The following EHMT1 variants were observed in gnomAD, a reference collection of about 807,000 sequenced individuals.
EHMT1 encodes histone-lysine N-methyltransferase EHMT1.
EHMT1 carries 15 observed loss-of-function variants against 147.2 expected under a neutral mutation model. The observed-to-expected ratio is 0.10, with a 90% CI of 0.07 to 0.16. The LOEUF is 0.16. Among genes scored for constraint, EHMT1 ranks in the 10% least tolerant of loss-of-function variants. The pLI, the probability that EHMT1 is intolerant of heterozygous loss-of-function variation, is 1.00. For synonymous variants in EHMT1, 795 were observed against 709.6 expected, an observed-to-expected ratio of 1.12 and a Z score of -1.91; for missense variants, 1,587 against 1,772.4, an observed-to-expected ratio of 0.90 and a Z score of 1.88.
chr9:137,658,393 C>T (rs1331218346), intron 1 of EHMT1, among the ~76,000 whole-genome samples: 1 of 152,060 alleles, frequency 6.6e-6, no homozygotes, highest in African/African-American at 2.4e-5. Flanking sequence ...TCAAGTGGTC[C>T]ACCTGCCTCA....
chr9:137,764,127 G>T (rs1301387614), intron 10 of EHMT1: 1 of 152,360 alleles, frequency 6.6e-6, no homozygotes, highest in African/African-American at 2.4e-5. Flanking sequence ...TTCTCCGTAG[G>T]TGTTAAACAG....
intron 16 of EHMT1, among the ~76,000 whole-genome samples, chr9:137,793,800 C>A (rs1196301904): frequency 2.6e-5 from 4 of 152,144 alleles, no homozygotes; most frequent in Non-Finnish European, 1.5e-5. Context: ...AGGACAAATC[C>A]TGTACGATGT....
intron 15 of EHMT1, chr9:137,788,043 C>T: frequency 7.3e-7 from 1 of 1,368,838 alleles, no homozygotes; most frequent in Non-Finnish European, 1.0e-6. Flanking sequence ...GGTTGAGGGC[C>T]TGATGGCTCC....
At chr9:137,659,346 T>G (rs975968682) in intron 1 of EHMT1, among the ~76,000 whole-genome samples, 8 of 151,982 alleles carry the variant, frequency 5.3e-5, no homozygotes, top group Non-Finnish European at 1.2e-4. Flanking sequence ...TTGTTGTTTC[T>G]GTGTATTATG....
intron 14 of EHMT1, 82 bp downstream of exon 14, chr9:137,779,799 T>C (rs888856835): frequency 1.6e-5 from 23 of 1,476,140 alleles, no homozygotes; most frequent in Middle Eastern, 1.7e-4. Flanking sequence ...TACTCCTTCC[T>C]CAGGAGGCTG....
chr9:137,806,558 C>T (rs920096582), intron 18 of EHMT1, among the ~76,000 whole-genome samples: 5 of 152,086 alleles, frequency 3.3e-5, no homozygotes, highest in Admixed American at 2.6e-4. Context: ...GCCTCAGCCT[C>T]CTGAGTACCT....
Position 137,717,115 on chromosome 9 carries a change from C to G in EHMT1, c.575C>G (p.Pro192Arg). 6.2e-7 allele frequency: 1 copy of G among 1,612,520 alleles called. No homozygotes were observed. ...GSADTEDRKLPAPGADVKVHR... is the reference protein window; with the variant it reads ...GSADTEDRKLRAPGADVKVHR... Reference sequence around the variant, plus strand: ...GCTGACACAGAGGACAGGAAGCTCCCGGCCCCTGGCGCCGACGTCAAGGTC... The same window carrying G: ...GCTGACACAGAGGACAGGAAGCTCCGGGCCCCTGGCGCCGACGTCAAGGTC... The change falls in exon 3 of 27, where the codon CCG (proline) becomes CGG (arginine). Residue 192 changes from proline (P) to arginine (R), a missense_variant. Pro to Arg is a moderately radical substitution (Grantham distance 103). Coordinates refer to ENST00000460843, the MANE Select transcript of EHMT1 (RefSeq NM_024757.5).
intron 3 of EHMT1, among the ~76,000 whole-genome samples, chr9:137,717,443 T>G (rs1945443804): frequency 6.6e-6 from 1 of 151,438 alleles, no homozygotes; most frequent in African/African-American, 2.4e-5. Flanking sequence ...ATGCAAAATT[T>G]TGTAAAAAAT....
In EHMT1 at chr9:137,798,994, C is replaced by A. The variant is rs1953203344; in HGVS notation, c.2607+80C>A. Reference sequence around the variant, plus strand: ...CACTGTTCTGCAGCTCCTGGTCCCACCCCCATTCTCCATGGCGTCCCCTCC... The same window carrying A: ...CACTGTTCTGCAGCTCCTGGTCCCAACCCCATTCTCCATGGCGTCCCCTCC... On this transcript the variant is annotated intron_variant, in intron 17 of 26. Transcript: ENST00000460843. 43 of 1,190,518 alleles carry A rather than the reference C, an allele frequency of 3.6e-5. No homozygotes were observed. The South Asian group carries it at 4.7e-4, about 13-fold the overall frequency. The allele number at this position is 1,190,518 out of a possible 1,614,324, so 73.7% of individuals were successfully genotyped here.
chr9:137,635,476 A>G (rs918307921), intron 1 of EHMT1, among the ~76,000 whole-genome samples: 4 of 151,398 alleles, frequency 2.6e-5, no homozygotes, highest in African/African-American at 9.7e-5. Context: ...TGGCCTCCCA[A>G]AGTGTTGGGA....
At chr9:137,714,595 C>G (rs938574687) in intron 2 of EHMT1, among the ~76,000 whole-genome samples, 2 of 147,866 alleles carry the variant, frequency 1.4e-5, no homozygotes, top group Non-Finnish European at 3.0e-5. Context: ...ACCTGTCACC[C>G]AGGCTGGAGT....
intron 1 of EHMT1, among the ~76,000 whole-genome samples, chr9:137,668,469 T>C (rs934851412): frequency 6.6e-6 from 1 of 152,134 alleles, no homozygotes; most frequent in African/African-American, 2.4e-5. Flanking sequence ...ATCCATCTAT[T>C]CACCAACCAT....
At chr9:137,630,701 T>C (rs997977959) in intron 1 of EHMT1, among the ~76,000 whole-genome samples, 7 of 152,206 alleles carry the variant, frequency 4.6e-5, no homozygotes, top group Non-Finnish European at 1.0e-4. Context: ...CATTCGTATC[T>C]TCAGTGTTTT....
intron 1 of EHMT1, among the ~76,000 whole-genome samples, chr9:137,649,566 A>G (rs1845158618): frequency 6.6e-6 from 1 of 152,206 alleles, no homozygotes; most frequent in African/African-American, 2.4e-5. Flanking sequence ...TTGCAGATGT[A>G]ATTAATTAAG....
Position 137,674,540 on chromosome 9 carries a change from A to T in EHMT1, c.22-36427A>T, listed in dbSNP as rs947051511. ...CTGGTCTAGAAGAGCAAGTCCAGGT[A>T]GCTGTGGCGCCGCCTGTGCCTTGCC... On this transcript the variant is annotated intron_variant, in intron 1 of 26. Transcript: ENST00000460843. 3.3e-5 allele frequency among the ~76,000 whole-genome samples: 5 copies of T among 152,346 alleles called. No homozygotes were observed. In the East Asian group the frequency reaches 9.6e-4, roughly 29 times the overall value.
At position 137,813,256 on chromosome 9, in the gene EHMT1, G is replaced by A. The variant is rs1954639130; in HGVS notation, c.3035+83G>A. ...ACTTGCGGTGAAAGCTGCTCCTGAA[G>A]CCGAAACATCCCCAGGCTGCAGTCC... On this transcript the variant is annotated intron_variant, in intron 20 of 26. Coordinates refer to ENST00000460843, the MANE Select transcript of EHMT1 (RefSeq NM_024757.5). This position sits in a 1 kb window ranked among gnomAD's most constrained non-coding sequence, Gnocchi z 4.9. The A allele has an allele frequency of 6.4e-7, 1 of 1,568,882 alleles. No individual in the cohort carries two copies. The highest frequency in any genetic ancestry group is 8.6e-7 in the Non-Finnish European group (1 of 1,163,602).
chr9:137,776,785 A>T lies in EHMT1; in HGVS notation c.1959A>T (p.Pro653=), dbSNP rs200450778. 1.9e-6 allele frequency: 3 copies of T among 1,613,920 alleles called. No individual in the cohort carries two copies. The highest frequency in any genetic ancestry group is 2.5e-6 in the Non-Finnish European group (3 of 1,180,014). ...CAGACACCACCTCGACCGTGACACC[A>T]GTCCCCGGGCAGGAGAAGGGCTCGG... The part of the protein sequence containing the change: ...AKADTTSTVT[P]VPGQEKGSAL... The change falls in exon 12 of 27, where the codon CCA becomes CCT. Residue 653 remains proline (P), a synonymous_variant. Transcript: ENST00000460843. The surrounding 1 kb of genome is among the most constrained non-coding windows in gnomAD (Gnocchi z 4.4).
At chr9:137,663,347 T>C (rs1180350190) in intron 1 of EHMT1, among the ~76,000 whole-genome samples, 1 of 152,130 alleles carries the variant, frequency 6.6e-6, no homozygotes, top group Non-Finnish European at 1.5e-5. Context: ...TGTCGATTCT[T>C]GACAAGATCC....
chr9:137,785,761 C>G (rs1386646226), intron 15 of EHMT1: 1 of 152,238 alleles, frequency 6.6e-6, no homozygotes, highest in Non-Finnish European at 1.5e-5. Context: ...TCATCCTACT[C>G]TGGCCCTGAC....
Sources: allele counts gnomAD v4.1 joint callset (sites outside exome capture counted in the v4.1 genomes callset), GRCh38; gene constraint gnomAD v4.1.1; non-coding constraint Gnocchi (gnomAD v3.1); transcripts MANE v1.5; gene names NCBI Gene and HGNC (gene_info 2026-07-23, HGNC 2026-07-21).